The following GPR176 variants were observed in gnomAD, a reference collection of about 807,000 sequenced individuals.
GPR176 encodes G-protein coupled receptor 176.
GPR176 carries 26 observed loss-of-function variants against 35.4 expected under a neutral mutation model. That is an observed-to-expected ratio of 0.74 (90% confidence interval 0.54 to 1.02). The LOEUF (loss-of-function observed/expected upper bound fraction) is 1.02. Ranked by LOEUF, GPR176 falls within the 50% of genes least tolerant of loss-of-function variation. The pLI is 0.00. For missense variants in GPR176, 597 were observed against 665.3 expected, an observed-to-expected ratio of 0.90 and a Z score of 1.13; for synonymous variants, 278 against 271.3, an observed-to-expected ratio of 1.02 and a Z score of -0.24.
At chr15:39,893,971 C>A (rs530922170) in intron 1 of GPR176, among the ~76,000 whole-genome samples, 1 of 120,532 alleles carries the variant, frequency 8.3e-6, no homozygotes, top group African/African-American at 3.3e-5. Flanking sequence ...GACCCCCCCA[C>A]CTCCCTCCCG....
intron 1 of GPR176, among the ~76,000 whole-genome samples, chr15:39,879,299 G>T (rs868193490): frequency 2.6e-5 from 4 of 152,180 alleles, no homozygotes; most frequent in South Asian, 4.1e-4. Context: ...GGGTGTTGCT[G>T]CTTGGGAGCC....
chr15:39,885,220 G>T (rs1374046460), intron 1 of GPR176, among the ~76,000 whole-genome samples: 1 of 152,116 alleles, frequency 6.6e-6, no homozygotes, highest in African/African-American at 2.4e-5. Context: ...AGGACATAAA[G>T]ATATACCAGC....
chr15:39,918,694 T>G (rs533502819), intron 1 of GPR176, among the ~76,000 whole-genome samples: 1 of 152,002 alleles, frequency 6.6e-6, no homozygotes. Flanking sequence ...CCCCTAGATA[T>G]AGCAATAGTA....
In GPR176 at chr15:39,799,173, T is replaced by C. The variant is rs962874141; in HGVS notation, c.*1959A>G. ...TCATCAAAATTTATTAAGTTGTACA[T>C]ATACAGTATATTATCAGAACAACAC... On this transcript the variant is annotated 3_prime_UTR_variant, in exon 3 of 3. Coordinates refer to ENST00000561100, the MANE Select transcript of GPR176 (RefSeq NM_007223.3). 8.5e-5 allele frequency: 13 copies of C among 152,246 alleles called. No individual in the cohort carries two copies. Among genetic ancestry groups the C allele is most frequent in the African/African-American group, 3.1e-4 (13 of 41,464 alleles). 9.4% of individuals were successfully genotyped at this position (152,246 alleles called of 1,614,324 possible). A position where few individuals can be genotyped will look rare whatever the true frequency, so the allele number is the denominator to read the frequency against.
chr15:39,848,719 G>A (rs574719045), intron 1 of GPR176, among the ~76,000 whole-genome samples: 34 of 151,872 alleles, frequency 2.2e-4, no homozygotes, highest in Middle Eastern at 3.4e-3. Flanking sequence ...TTATTCATGC[G>A]CTGAAAAGGT....
At chr15:39,832,380 A>G (rs973437706) in intron 1 of GPR176, among the ~76,000 whole-genome samples, 4 of 152,150 alleles carry the variant, frequency 2.6e-5, no homozygotes, top group Admixed American at 6.5e-5. Flanking sequence ...CTGCTGTAAC[A>G]AATTACCGCA....
intron 1 of GPR176, among the ~76,000 whole-genome samples, chr15:39,841,768 A>G (rs1017733493): frequency 1.3e-5 from 2 of 152,136 alleles, no homozygotes; most frequent in Non-Finnish European, 2.9e-5. Context: ...AGCCCAGGAA[A>G]CTAATATAAC....
chr15:39,892,448 A>G (rs2032909943), intron 1 of GPR176, among the ~76,000 whole-genome samples: 1 of 152,236 alleles, frequency 6.6e-6, no homozygotes, highest in Non-Finnish European at 1.5e-5. Flanking sequence ...TGCCACTGTA[A>G]AGAGTTGAAC....
At chr15:39,814,652 TG>T (rs1301560329) in intron 1 of GPR176, among the ~76,000 whole-genome samples, 2 of 152,218 alleles carry the variant, frequency 1.3e-5, no homozygotes, top group Non-Finnish European at 2.9e-5. Flanking sequence ...CTGTGGGGGT[TG>T]TTTTTCTGTG....
At chr15:39,850,634 T>C (rs371157145) in intron 1 of GPR176, among the ~76,000 whole-genome samples, 19 of 152,212 alleles carry the variant, frequency 1.2e-4, no homozygotes, top group African/African-American at 4.3e-4. Flanking sequence ...CTTGTGGTGA[T>C]GGAAACATCT....
At chr15:39,867,002 G>A (rs1322455666) in intron 1 of GPR176, among the ~76,000 whole-genome samples, 1 of 152,090 alleles carries the variant, frequency 6.6e-6, no homozygotes, top group Non-Finnish European at 1.5e-5. Flanking sequence ...TGAGGTGTGG[G>A]CAGGCATCCA....
At chr15:39,809,127 C>G (rs1357452462) in intron 1 of GPR176, among the ~76,000 whole-genome samples, 1 of 152,088 alleles carries the variant, frequency 6.6e-6, no homozygotes, top group Admixed American at 6.6e-5. Flanking sequence ...CTTTAAAACC[C>G]GAGACTGCTA....
At chr15:39,820,273 C>A (rs1478954834) in intron 1 of GPR176, among the ~76,000 whole-genome samples, 2 of 147,724 alleles carry the variant, frequency 1.4e-5, no homozygotes, top group Non-Finnish European at 3.0e-5. Context: ...CTGGCCAAGA[C>A]AGGGAAGGCT....
At chr15:39,834,017 T>G (rs951798582) in intron 1 of GPR176, among the ~76,000 whole-genome samples, 2 of 152,206 alleles carry the variant, frequency 1.3e-5, no homozygotes, top group African/African-American at 4.8e-5. Flanking sequence ...CTCACACACA[T>G]GTACACACAG....
chr15:39,871,003 C>T (rs980659637), intron 1 of GPR176, among the ~76,000 whole-genome samples: 1 of 152,114 alleles, frequency 6.6e-6, no homozygotes, highest in Non-Finnish European at 1.5e-5. Flanking sequence ...CCTAGTGAGA[C>T]CCTGAGCAGA....
Position 39,917,682 on chromosome 15 carries a change from T to G in GPR176, c.172+2173A>C, listed in dbSNP as rs933330104. 8.2e-4 allele frequency among the ~76,000 whole-genome samples: 125 copies of G among 152,000 alleles called. 2 individuals are homozygous for G. The highest frequency in any genetic ancestry group is 7.9e-4 in the Admixed American group (12 of 15,272). ...CAGACATACTGTCCATATTTATGGG[T>G]TTTTTTCTGCATATAAAAAGGAGCA... On this transcript the variant is annotated intron_variant, in intron 1 of 2. Transcript: ENST00000561100.
intron 2 of GPR176, among the ~76,000 whole-genome samples, chr15:39,806,167 T>C (rs1198814187): frequency 2.0e-5 from 3 of 152,246 alleles, no homozygotes; most frequent in Admixed American, 2.0e-4. Context: ...ATCTAAAATG[T>C]AGTTAAATTT....
At chr15:39,894,480 C>A (rs1159857096) in intron 1 of GPR176, 2 of 169,334 alleles carry the variant, frequency 1.2e-5, no homozygotes, top group South Asian at 1.4e-4. Flanking sequence ...GGTTGCCGGG[C>A]AGAGGGTCTC....
chr15:39,820,260 T>C (rs1171639737), intron 1 of GPR176, among the ~76,000 whole-genome samples: 1 of 151,666 alleles, frequency 6.6e-6, no homozygotes, highest in Non-Finnish European at 1.5e-5. Flanking sequence ...AGGCAGGAGA[T>C]AGCTGGCCAA....
Sources: allele counts gnomAD v4.1 joint callset (sites outside exome capture counted in the v4.1 genomes callset), GRCh38; gene constraint gnomAD v4.1.1; transcripts MANE v1.5; gene names NCBI Gene and HGNC (gene_info 2026-07-23, HGNC 2026-07-21).